PARD3: variants seen among roughly 807,000 people sequenced by gnomAD.
PARD3 encodes par-3 family cell polarity regulator.
PARD3 carries 75 observed loss-of-function variants against 155.4 expected under a neutral mutation model. The ratio of observed to expected loss-of-function variants is 0.48; its 90% CI spans 0.40 to 0.58. PARD3 has a LOEUF of 0.58. Ranked by LOEUF, PARD3 falls within the 20% of genes least tolerant of loss-of-function variation. The pLI is 0.00. For synonymous variants in PARD3, 576 were observed against 610.5 expected (o/e 0.94, Z 0.83); for missense variants, 1,642 against 1,721.7 (o/e 0.95, Z 0.82).
chr10:34,715,648 G>A (rs777826516), intron 1 of PARD3, among the ~76,000 whole-genome samples: 7 of 152,234 alleles, frequency 4.6e-5, no homozygotes, highest in Non-Finnish European at 7.4e-5. Context: ...TTAAAATGAC[G>A]TCTTGAAGAT....
intron 2 of PARD3, among the ~76,000 whole-genome samples, chr10:34,619,431 G>A (rs913859330): frequency 2.0e-5 from 3 of 152,104 alleles, no homozygotes; most frequent in African/African-American, 4.8e-5. Flanking sequence ...CAACTACAAT[G>A]GTGATGCTGA....
At chr10:34,248,930 G>A (rs571784792) in intron 22 of PARD3, among the ~76,000 whole-genome samples, 5 of 152,256 alleles carry the variant, frequency 3.3e-5, no homozygotes, top group East Asian at 1.9e-4. Flanking sequence ...TTAGTTAACC[G>A]GGGATTGATA....
At chr10:34,269,567 GT>G in intron 22 of PARD3, 89 bp downstream of exon 22, 1 of 1,432,248 alleles carries the variant, frequency 7.0e-7, no homozygotes, top group Non-Finnish European at 9.6e-7. Flanking sequence ...GGCAATTCTG[GT>G]TTGAGGATTG....
Position 34,243,452 on chromosome 10 carries a change from A to G in PARD3, c.3419+26205T>C, listed in dbSNP as rs137983724. Among the ~76,000 whole-genome samples, 32 of 152,358 alleles carry G rather than the reference A, an allele frequency of 2.1e-4. No individual in the cohort carries two copies. The East Asian group carries it at 5.6e-3, about 27-fold the overall frequency. ...AAAATAAACTCCGAGATGTTGTCCA[A>G]TATTTTATGATGTGCTAAAACGAAA... On this transcript the variant is annotated intron_variant, in intron 22 of 24. Coordinates refer to ENST00000374788, the MANE Select transcript of PARD3 (RefSeq NM_001184785.2).
intron 22 of PARD3, among the ~76,000 whole-genome samples, chr10:34,243,899 A>G (rs1235477380): frequency 1.3e-5 from 2 of 152,218 alleles, no homozygotes; most frequent in East Asian, 1.9e-4. Flanking sequence ...ACTATGACAA[A>G]TGTTTTAGCT....
At chr10:34,366,012 C>T (rs1038917958) in intron 12 of PARD3, among the ~76,000 whole-genome samples, 1 of 152,214 alleles carries the variant, frequency 6.6e-6, no homozygotes, top group African/African-American at 2.4e-5. Flanking sequence ...TAATTTTCTT[C>T]TACACATGAC....
chr10:34,307,045 C>A (rs775928272), intron 20 of PARD3, among the ~76,000 whole-genome samples: 27 of 86,474 alleles, frequency 3.1e-4, no homozygotes, highest in Non-Finnish European at 4.9e-4. Flanking sequence ...CGCCACCACG[C>A]CCGGCTAATT....
At chr10:34,597,740 G>A (rs1261672429) in intron 2 of PARD3, among the ~76,000 whole-genome samples, 1 of 151,972 alleles carries the variant, frequency 6.6e-6, no homozygotes, top group Non-Finnish European at 1.5e-5. Context: ...ATCGGAAGAG[G>A]AGAAGATGAC....
chr10:34,146,409 C>CT (rs765710285), intron 22 of PARD3, among the ~76,000 whole-genome samples: 228 of 152,162 alleles, frequency 1.5e-3, no homozygotes, highest in Non-Finnish European at 2.4e-3. Context: ...TTCTGTATTA[C>CT]TTTTTTACAA....
chr10:34,334,768 A>C (rs1835986401), intron 18 of PARD3, among the ~76,000 whole-genome samples: 1 of 151,642 alleles, frequency 6.6e-6, no homozygotes, highest in African/African-American at 2.4e-5. Flanking sequence ...TTTTCTCTAG[A>C]ATCTAGCACA....
chr10:34,765,112 T>C (rs985604636), intron 1 of PARD3, among the ~76,000 whole-genome samples: 6 of 152,162 alleles, frequency 3.9e-5, no homozygotes, highest in Admixed American at 1.3e-4. Context: ...AAGACACACC[T>C]GCCCCTTCCC....
intron 1 of PARD3, among the ~76,000 whole-genome samples, chr10:34,813,662 G>C (rs1308085072): frequency 1.3e-5 from 2 of 152,146 alleles, no homozygotes; most frequent in African/African-American, 2.4e-5. Flanking sequence ...CAAAACAAAA[G>C]TCTAAAAAGC....
In PARD3 at chr10:34,267,513, A is replaced by G. The variant is rs143290468; in HGVS notation, c.3419+2144T>C. Among the ~76,000 whole-genome samples, 10 of 152,336 alleles carry G rather than the reference A, an allele frequency of 6.6e-5. No individual in the cohort carries two copies. The East Asian group carries it at 1.9e-3, about 29-fold the overall frequency. ...GGAAAACCTAAAACCCAACAAAAGCAAAACAAAGCAACAAACCAAATACTC... is the reference window on the plus strand; with the variant it reads ...GGAAAACCTAAAACCCAACAAAAGCGAAACAAAGCAACAAACCAAATACTC... On this transcript the variant is annotated intron_variant, in intron 22 of 24. Coordinates refer to ENST00000374788, the MANE Select transcript of PARD3 (RefSeq NM_001184785.2).
chr10:34,167,692 T>C (rs1031035271), intron 22 of PARD3, among the ~76,000 whole-genome samples: 1 of 152,160 alleles, frequency 6.6e-6, no homozygotes, highest in African/African-American at 2.4e-5. Flanking sequence ...TGCTTAAGGG[T>C]AGTTTTTTCT....
At chr10:34,134,590 G>A (rs1396472047) in intron 22 of PARD3, among the ~76,000 whole-genome samples, 1 of 152,206 alleles carries the variant, frequency 6.6e-6, no homozygotes, top group African/African-American at 2.4e-5. Context: ...AGTCACTCCT[G>A]CCCTTGTTTC....
chr10:34,474,479 C>T (rs1477140608), intron 3 of PARD3, among the ~76,000 whole-genome samples: 8 of 152,158 alleles, frequency 5.3e-5, no homozygotes, highest in Admixed American at 4.6e-4. Context: ...AATTATAAGG[C>T]ATTTTTATGG....
chr10:34,114,984 A>G (rs1478960181), intron 24 of PARD3, among the ~76,000 whole-genome samples: 2 of 151,704 alleles, frequency 1.3e-5, no homozygotes, highest in Non-Finnish European at 2.9e-5. Flanking sequence ...AATAACTATC[A>G]CCTAAAGATT....
intron 1 of PARD3, among the ~76,000 whole-genome samples, chr10:34,697,766 A>ACACAC (rs2094201048): frequency 1.4e-5 from 2 of 146,426 alleles, no homozygotes; most frequent in Admixed American, 1.4e-4. Context: ...TTGTAAAACA[A>ACACAC]ACACTCACAC....
chr10:34,702,460 A>G (rs1049308918), intron 1 of PARD3, among the ~76,000 whole-genome samples: 1 of 152,200 alleles, frequency 6.6e-6, no homozygotes, highest in African/African-American at 2.4e-5. Flanking sequence ...CAGCTTCCCA[A>G]TGCTTCCAGA....
Sources: allele counts gnomAD v4.1 joint callset (sites outside exome capture counted in the v4.1 genomes callset), GRCh38; gene constraint gnomAD v4.1.1; transcripts MANE v1.5; gene names NCBI Gene and HGNC (gene_info 2026-07-23, HGNC 2026-07-21).